The following ANO2 variants were observed in gnomAD, a reference collection of about 807,000 sequenced individuals.
ANO2 encodes the protein anoctamin 2.
In ANO2, 101 loss-of-function variants were observed where a neutral mutation model predicts 124.2. The ratio of observed to expected loss-of-function variants is 0.81; its 90% CI spans 0.69 to 0.96. The LOEUF (loss-of-function observed/expected upper bound fraction) is 0.96, where lower values mean the gene tolerates loss of function less well. ANO2 is among the 40% of genes least tolerant of loss of function. ANO2 has a pLI of 0.00. For synonymous variants in ANO2, 486 were observed against 482.5 expected (o/e 1.01, Z -0.09); for missense variants, 1,293 against 1,274.5 (o/e 1.01, Z -0.22).
chr12:5,944,654 G>C (rs1013855312), intron 1 of ANO2, among the ~76,000 whole-genome samples: 1 of 152,146 alleles, frequency 6.6e-6, no homozygotes, highest in South Asian at 2.1e-4. Flanking sequence ...CTGCAGCCTG[G>C]GGTGTAAATG....
At chr12:5,863,498 C>T (rs1001696277) in intron 3 of ANO2, among the ~76,000 whole-genome samples, 16 of 152,162 alleles carry the variant, frequency 1.1e-4, no homozygotes, top group Non-Finnish European at 1.8e-4. Flanking sequence ...AAAGCTCTCT[C>T]GGATTGACAG....
At position 5,922,610 on chromosome 12, in the gene ANO2, C is replaced by CCCGAA; in HGVS notation, c.207+9_207+10insTTCGG. 29 of 1,524,740 alleles carry CCCGAA rather than the reference C, an allele frequency of 1.9e-5. No individual in the cohort carries two copies. Among genetic ancestry groups the CCCGAA allele is most frequent in the South Asian group, 2.4e-5 (2 of 83,316 alleles). 94.5% of individuals were successfully genotyped at this position (1,524,740 alleles called of 1,614,324 possible). A position where few individuals can be genotyped will look rare whatever the true frequency, so the allele number is the denominator to read the frequency against. ...CCTATCCCCCCACCCCACCCCCGCC[C>CCCGAA]AGTACTCACAGAGCTGCTGCGGGTG... On this transcript the variant is annotated intron_variant, in intron 2 of 24. Transcript: ENST00000682330.
intron 23 of ANO2, among the ~76,000 whole-genome samples, chr12:5,575,399 G>A (rs571005787): frequency 1.3e-5 from 2 of 152,336 alleles, no homozygotes; most frequent in African/African-American, 4.8e-5. Flanking sequence ...GAGACAGAGG[G>A]AAAGGAGAAT....
chr12:5,863,171 G>A (rs999193613), intron 3 of ANO2, among the ~76,000 whole-genome samples: 7 of 151,892 alleles, frequency 4.6e-5, no homozygotes, highest in African/African-American at 7.3e-5. Flanking sequence ...TTTTAGCAGC[G>A]TGAGAACAGA....
chr12:5,677,444 C>T (rs1457099934), intron 14 of ANO2, among the ~76,000 whole-genome samples: 2 of 152,192 alleles, frequency 1.3e-5, no homozygotes, highest in Non-Finnish European at 2.9e-5. Context: ...ACCCAAATCC[C>T]CTCTCTATCC....
chr12:5,658,033 A>G lies in ANO2; in HGVS notation c.1546-10232T>C, dbSNP rs541912864. ...TGGGACCATAAAGTTACATTTGAGAAAAAATATTATTTGCTCATTTGTCTT... is the reference window on the plus strand; with the variant it reads ...TGGGACCATAAAGTTACATTTGAGAGAAAATATTATTTGCTCATTTGTCTT... On this transcript the variant is annotated intron_variant, in intron 14 of 24. Coordinates refer to ENST00000682330, the MANE Select transcript of ANO2 (RefSeq NM_001364791.2). The surrounding 1 kb of genome is among the most constrained non-coding windows in gnomAD (Gnocchi z 4.3). 3.9e-5 allele frequency among the ~76,000 whole-genome samples: 6 copies of G among 152,268 alleles called. No homozygotes were observed. The highest frequency in any genetic ancestry group is 1.4e-4 in the African/African-American group (6 of 41,562).
At chr12:5,576,632 A>G (rs982788520) in intron 22 of ANO2, among the ~76,000 whole-genome samples, 6 of 152,262 alleles carry the variant, frequency 3.9e-5, no homozygotes, top group African/African-American at 1.4e-4. Context: ...CCAACACAGC[A>G]TCTGGCATGT....
chr12:5,578,159 C>G (rs1299878399), intron 21 of ANO2, among the ~76,000 whole-genome samples, 152 bp from the exon 22 acceptor site: 1 of 152,150 alleles, frequency 6.6e-6, no homozygotes, highest in African/African-American at 2.4e-5. Flanking sequence ...CTTAGGTAGC[C>G]CCCCCATCTG....
chr12:5,688,107 G>A (rs953817878), intron 14 of ANO2, among the ~76,000 whole-genome samples: 35 of 152,266 alleles, frequency 2.3e-4, no homozygotes, highest in Admixed American at 2.0e-3. Context: ...AAGACCTTGT[G>A]GGGGGAACAG....
intron 10 of ANO2, among the ~76,000 whole-genome samples, chr12:5,770,887 A>G (rs890757405): frequency 1.3e-5 from 2 of 152,114 alleles, no homozygotes; most frequent in African/African-American, 4.8e-5. Context: ...TGCCTCTGCC[A>G]TGGTTGTGCC....
chr12:5,747,283 G>A (rs1466159586), intron 11 of ANO2, among the ~76,000 whole-genome samples: 1 of 152,204 alleles, frequency 6.6e-6, no homozygotes, highest in East Asian at 1.9e-4. Flanking sequence ...CAGGAATACT[G>A]TAAGTTTTTA....
In ANO2 at chr12:5,923,179, CACACAT is replaced by C. The variant is rs1332398113; in HGVS notation, c.23-381_23-376del. 1.2e-3 allele frequency among the ~76,000 whole-genome samples: 70 copies of C among 56,436 alleles called. 7 individuals are homozygous for C. Among genetic ancestry groups the C allele is most frequent in the East Asian group, 2.4e-3 (3 of 1,264 alleles). 37.0% of individuals were successfully genotyped at this position (56,436 alleles called of 152,430 possible). ...ACACACGCATACACACACACGCACA[CACACAT>C]ACACACACACGCACGCACACACACC... On this transcript the variant is annotated intron_variant, in intron 1 of 24. Coordinates refer to ENST00000682330, the MANE Select transcript of ANO2 (RefSeq NM_001364791.2).
At chr12:5,768,282 C>T (rs1951959295) in intron 10 of ANO2, among the ~76,000 whole-genome samples, 1 of 152,208 alleles carries the variant, frequency 6.6e-6, no homozygotes, top group African/African-American at 2.4e-5. Context: ...TCCTCTCCTT[C>T]TGAGGATCTT....
At chr12:5,687,850 A>G (rs1948768693) in intron 14 of ANO2, among the ~76,000 whole-genome samples, 1 of 119,890 alleles carries the variant, frequency 8.3e-6, no homozygotes, top group Non-Finnish European at 1.7e-5. Flanking sequence ...TTACACAGCA[A>G]ATACAGGACT....
At chr12:5,846,576 T>C (rs553683486) in intron 4 of ANO2, among the ~76,000 whole-genome samples, 12 of 152,244 alleles carry the variant, frequency 7.9e-5, no homozygotes, top group Admixed American at 1.3e-4. Flanking sequence ...TCTGTCACAG[T>C]TGTGAAGGTC....
intron 10 of ANO2, among the ~76,000 whole-genome samples, chr12:5,775,412 C>T (rs1021886730): frequency 6.6e-6 from 1 of 151,014 alleles, no homozygotes; most frequent in Non-Finnish European, 1.5e-5. Flanking sequence ...AAACACTTCT[C>T]AATGATTTTT....
intron 14 of ANO2, among the ~76,000 whole-genome samples, chr12:5,665,919 AATG>A (rs1364290377): frequency 6.6e-6 from 1 of 152,026 alleles, no homozygotes; most frequent in Non-Finnish European, 1.5e-5. Context: ...AATCATAACA[AATG>A]ATTAACGCAC....
chr12:5,756,662 G>T (rs2137100491), intron 10 of ANO2, among the ~76,000 whole-genome samples: 1 of 152,346 alleles, frequency 6.6e-6, no homozygotes, highest in East Asian at 1.9e-4. Context: ...TCTGTGGGTG[G>T]GCTGGCCTGC....
Position 5,806,191 on chromosome 12 carries a change from C to A in ANO2, c.949-98G>T. 9 of 1,263,738 alleles carry A rather than the reference C, an allele frequency of 7.1e-6. No individual in the cohort carries two copies. In the South Asian group the frequency reaches 1.1e-4, roughly 16 times the overall value. 78.3% of individuals were successfully genotyped at this position (1,263,738 alleles called of 1,614,324 possible). On this transcript the variant is annotated intron_variant, in intron 8 of 24. Coordinates refer to ENST00000682330, the MANE Select transcript of ANO2 (RefSeq NM_001364791.2). ...TCTTTTTTATTTTCTAATATCATTGCTTTTTTTTCATTCCCATTTAAGGAA... is the reference window on the plus strand; with the variant it reads ...TCTTTTTTATTTTCTAATATCATTGATTTTTTTTCATTCCCATTTAAGGAA...
Sources: allele counts gnomAD v4.1 joint callset (sites outside exome capture counted in the v4.1 genomes callset), GRCh38; gene constraint gnomAD v4.1.1; non-coding constraint Gnocchi (gnomAD v3.1); transcripts MANE v1.5; gene names NCBI Gene and HGNC (gene_info 2026-07-23, HGNC 2026-07-21).